Variants in ELAC2 observed in about 807,000 individuals in gnomAD.
ELAC2 encodes elaC ribonuclease Z 2.
ELAC2 carries 92 observed loss-of-function variants against 105.2 expected under a neutral mutation model. The observed-to-expected ratio is 0.87, with a 90% confidence interval of 0.74 to 1.04. ELAC2 has a LOEUF of 1.04. Ranked by LOEUF, ELAC2 falls within the 50% of genes least tolerant of loss-of-function variation. The pLI is 0.00. For missense variants in ELAC2, 1,099 were observed against 1,071.7 expected, an observed-to-expected ratio of 1.03 and a Z score of -0.36; for synonymous variants, 468 against 409.1, an observed-to-expected ratio of 1.14 and a Z score of -1.74.
Position 13,016,715 on chromosome 17 carries a change from G to A in ELAC2, c.367+147C>T, listed in dbSNP as rs1262335707. On this transcript the variant is annotated intron_variant, in intron 3 of 23. Transcript: ENST00000338034. ...GGATCACCTGAGCCCAGAAGGCAAA[G>A]GTTGCAGTGAGCCAAGATCACGCCA... 5.2e-6 allele frequency: 4 copies of A among 769,588 alleles called. No homozygotes were observed. The African/African-American group carries it at 5.5e-5, about 10-fold the overall frequency. 47.7% of individuals were successfully genotyped at this position (769,588 alleles called of 1,614,324 possible).
intron 14 of ELAC2, chr17:13,000,511 G>A (rs968642556): frequency 1.8e-6 from 1 of 544,020 alleles, no homozygotes; most frequent in Non-Finnish European, 3.4e-6. Flanking sequence ...GGGCAAGACA[G>A]TTTTTTTCTG....
At chr17:12,995,874 C>T (rs1021388532) in intron 18 of ELAC2, 62 bp from the exon 19 acceptor site, 23 of 1,584,856 alleles carry the variant, frequency 1.5e-5, no homozygotes, top group African/African-American at 2.7e-5. Flanking sequence ...ACTGGAGTGC[C>T]AAGAGGCATG....
At chr17:13,008,664 C>T (rs886861022) in intron 8 of ELAC2, among the ~76,000 whole-genome samples, 1 of 152,158 alleles carries the variant, frequency 6.6e-6, no homozygotes, top group Non-Finnish European at 1.5e-5. Context: ...AACGCCCCAA[C>T]AGTGCACCAG....
chr17:12,998,573 T>C, intron 15 of ELAC2, 65 bp from the exon 16 acceptor site: 1 of 1,417,514 alleles, frequency 7.1e-7, no homozygotes, highest in Non-Finnish European at 1.0e-6. Context: ...CATGCAGCCA[T>C]GAGAAGGTGC....
At chr17:13,009,553 T>C (rs56131975) in intron 8 of ELAC2, among the ~76,000 whole-genome samples, 41,927 of 152,178 alleles carry the variant, frequency 0.28, 5,955 homozygotes, top group Middle Eastern at 0.33. Context: ...AATCTGGTGT[T>C]AGACCTTAGC....
intron 8 of ELAC2, among the ~76,000 whole-genome samples, chr17:13,007,113 A>G (rs540261907): frequency 3.1e-4 from 44 of 140,630 alleles, no homozygotes; most frequent in African/African-American, 1.0e-3. Flanking sequence ...TCTGTCTCAA[A>G]AAAAGAAAAA....
At chr17:13,017,568 A>G (rs776215099) in intron 1 of ELAC2, 135 bp downstream of exon 1, 465 of 1,481,172 alleles carry the variant, frequency 3.1e-4, no homozygotes, top group Non-Finnish European at 7.6e-5. Context: ...CCCACCCACC[A>G]TAACTCCACG....
Position 13,005,113 on chromosome 17 carries a change from A to C in ELAC2, c.871-12T>G. On this transcript the variant is annotated splice_polypyrimidine_tract_variant and intron_variant, in intron 10 of 23. Transcript: ENST00000338034. Reference sequence around the variant, plus strand: ...TCTTCAGCCAAAATCTGCAAAACCAAATAAGCCCGCCCACTGGGGGTCACA... The same window carrying C: ...TCTTCAGCCAAAATCTGCAAAACCACATAAGCCCGCCCACTGGGGGTCACA... The C allele has an allele frequency of 6.2e-7, 1 of 1,601,654 alleles. No homozygotes were observed. Among genetic ancestry groups the C allele is most frequent in the Non-Finnish European group, 8.6e-7 (1 of 1,168,698 alleles).
chr17:13,008,644 C>T (rs953598436), intron 8 of ELAC2, among the ~76,000 whole-genome samples: 10 of 152,182 alleles, frequency 6.6e-5, no homozygotes, highest in Non-Finnish European at 2.9e-5. Flanking sequence ...AGAGCCAGAA[C>T]GCAGCCAATA....
chr17:12,994,899 C>T lies in ELAC2; in HGVS notation c.1909-15G>A, dbSNP rs1241285306. On this transcript the variant is annotated splice_polypyrimidine_tract_variant and intron_variant, in intron 20 of 23. Coordinates refer to ENST00000338034, the MANE Select transcript of ELAC2 (RefSeq NM_018127.7). ...CAGGTCTGAAACTGAAAGGGTGGGG[C>T]TGGAGGGCTCTGCAGCTCTGCTCCC... The T allele has an allele frequency of 1.2e-6, 2 of 1,614,102 alleles. No homozygotes were observed. The highest frequency in any genetic ancestry group is 1.7e-5 in the Admixed American group (1 of 60,026).
Position 13,002,363 on chromosome 17 carries a change from A to G in ELAC2, c.1219-4T>C. ...CACTGAGGGTGGGGCCCTCCTTCTGAAAGAGACAAAACACATTCATGGAGA... is the reference window on the plus strand; with the variant it reads ...CACTGAGGGTGGGGCCCTCCTTCTGGAAGAGACAAAACACATTCATGGAGA... On this transcript the variant is annotated splice_region_variant and splice_polypyrimidine_tract_variant and intron_variant, in intron 13 of 23. Transcript: ENST00000338034. The G allele has an allele frequency of 6.2e-7, 1 of 1,614,164 alleles. No homozygotes were observed. Among genetic ancestry groups the G allele is most frequent in the Non-Finnish European group, 8.5e-7 (1 of 1,180,024 alleles).
intron 7 of ELAC2, among the ~76,000 whole-genome samples, chr17:13,011,194 C>G (rs117523136): frequency 1.3e-5 from 2 of 152,114 alleles, no homozygotes; most frequent in African/African-American, 4.8e-5. Flanking sequence ...ACTCCCGAAG[C>G]GGCCTGACTC....
intron 12 of ELAC2, 88 bp downstream of exon 12, chr17:13,003,391 A>G: frequency 8.3e-7 from 1 of 1,209,506 alleles, no homozygotes; most frequent in Non-Finnish European, 1.2e-6. Flanking sequence ...AAGGGTAGGT[A>G]GCGCTGGAAA....
chr17:13,003,271 T>C (rs1290374615), intron 12 of ELAC2, among the ~76,000 whole-genome samples: 1 of 152,156 alleles, frequency 6.6e-6, no homozygotes, highest in East Asian at 1.9e-4. Context: ...TGGAATCGTG[T>C]GGACACTGCG....
chr17:12,993,372 C>A lies in ELAC2; in HGVS notation c.2253+315G>T, dbSNP rs527680017. 2.0e-5 allele frequency among the ~76,000 whole-genome samples: 3 copies of A among 152,284 alleles called. No homozygotes were observed. In the South Asian group the frequency reaches 6.2e-4, roughly 32 times the overall value. On this transcript the variant is annotated intron_variant, in intron 23 of 23. Transcript: ENST00000338034. ...GGCCAAGGGTCAGGCCTGGCTTTCC[C>A]ACTCACAAGAGGCAACCACCTGTCT...
rs1352988321 is a variant in ELAC2, at chr17:12,995,690, C to T, written c.1808+13G>A. On this transcript the variant is annotated intron_variant, in intron 19 of 23. Coordinates refer to ENST00000338034, the MANE Select transcript of ELAC2 (RefSeq NM_018127.7). ...GCAACAGCCCAGCGGGCCAGGCTGCCCTGGATGCTCACCTGATGTGGTGCA... is the reference window on the plus strand; with the variant it reads ...GCAACAGCCCAGCGGGCCAGGCTGCTCTGGATGCTCACCTGATGTGGTGCA... The T allele has an allele frequency of 6.2e-7, 1 of 1,603,972 alleles. No individual in the cohort carries two copies. Among genetic ancestry groups the T allele is most frequent in the Admixed American group, 1.7e-5 (1 of 58,854 alleles).
intron 19 of ELAC2, 21 bp from the exon 20 acceptor site, chr17:12,995,083 T>A (rs746016313): frequency 1.9e-6 from 3 of 1,611,976 alleles, no homozygotes; most frequent in Non-Finnish European, 2.5e-6. Context: ...ACAAAACATT[T>A]AAAATGATAA....
Position 13,003,552 on chromosome 17 carries a change from G to T in ELAC2, c.1006C>A (p.Pro336Thr), listed in dbSNP as rs565351884. The T allele has an allele frequency of 3.7e-6, 6 of 1,614,182 alleles. No individual in the cohort carries two copies. The South Asian group carries it at 4.4e-5, about 12-fold the overall frequency. ...GCCATGTGAACCACCAAGGCCACGG[G>T]GGCATCTGCCTTTCCTTGGTACCTG... ...FQRYQGKADAPVALVVHMAPA... is the reference protein window; with the variant it reads ...FQRYQGKADATVALVVHMAPA... The change falls in exon 12 of 24, where the codon CCC becomes ACC. Residue 336 changes from proline to threonine, a missense_variant. Pro to Thr is a conservative substitution (Grantham distance 38). Coordinates refer to ENST00000338034, the MANE Select transcript of ELAC2 (RefSeq NM_018127.7).
intron 6 of ELAC2, 139 bp downstream of exon 6, chr17:13,013,068 T>G: frequency 1.1e-6 from 1 of 938,470 alleles, no homozygotes; most frequent in Non-Finnish European, 1.7e-6. Context: ...CATATCTTCA[T>G]TCCTCAACTA....
Sources: gnomAD v4.1 joint callset for allele counts (sites outside exome capture counted in the v4.1 genomes callset) on GRCh38, gnomAD v4.1.1 for gene constraint, MANE v1.5 for transcripts, NCBI Gene and HGNC (gene_info 2026-07-23, HGNC 2026-07-21) for gene names.